Variants in CEP164 observed in about 807,000 individuals in gnomAD.
CEP164 encodes centrosomal protein 164.
In CEP164, 162 loss-of-function variants were observed where a neutral mutation model predicts 182.7. That is an observed-to-expected ratio of 0.89 (90% CI 0.78 to 1.01). The LOEUF is 1.01. Ranked by LOEUF, CEP164 falls within the 50% of genes least tolerant of loss-of-function variation. CEP164 has a pLI of 0.00. For synonymous variants in CEP164, 661 were observed against 690.0 expected, an observed-to-expected ratio of 0.96 and a Z score of 0.66; for missense variants, 1,735 against 1,790.4, an observed-to-expected ratio of 0.97 and a Z score of 0.56.
upstream of CEP164, among the ~76,000 whole-genome samples, chr11:117,325,697 A>G (rs983334290): frequency 6.6e-6 from 1 of 152,034 alleles, no homozygotes; most frequent in Admixed American, 6.6e-5. Context: ...AGACTTTTAA[A>G]GAAGATGGAG....
chr11:117,410,912 C>A lies in CEP164; in HGVS notation c.4163+18C>A, dbSNP rs545277019. 6.2e-7 allele frequency: 1 copy of A among 1,609,678 alleles called. No individual in the cohort carries two copies. Among genetic ancestry groups the A allele is most frequent in the South Asian group, 1.1e-5 (1 of 90,160 alleles). ...TCTGCCAGGTGAGCCTCCCTGGGGG[C>A]TGGTTGGGGTGGAACGTCATAGTCG... On this transcript the variant is annotated intron_variant, in intron 31 of 32. Coordinates refer to ENST00000278935, the MANE Select transcript of CEP164 (RefSeq NM_014956.5).
intron 7 of CEP164, among the ~76,000 whole-genome samples, chr11:117,362,824 C>T (rs1381982040): frequency 1.3e-5 from 2 of 152,082 alleles, no homozygotes; most frequent in Non-Finnish European, 2.9e-5. Context: ...CTTCCTATTC[C>T]CTCTCCCTCC....
At chr11:117,347,997 T>G (rs2039141339) in intron 4 of CEP164, among the ~76,000 whole-genome samples, 1 of 152,014 alleles carries the variant, frequency 6.6e-6, no homozygotes, top group South Asian at 2.1e-4. Context: ...TGAGATAGAG[T>G]CTTGCTCTGT....
At chr11:117,385,054 A>G (rs1200857322) in intron 14 of CEP164, 2 of 152,258 alleles carry the variant, frequency 1.3e-5, no homozygotes, top group Admixed American at 6.5e-5. Context: ...GAGAGGAGAC[A>G]TAACTTTTGT....
At chr11:117,364,863 A>G (rs2041442901) in intron 8 of CEP164, among the ~76,000 whole-genome samples, 1 of 152,210 alleles carries the variant, frequency 6.6e-6, no homozygotes, top group Non-Finnish European at 1.5e-5. Context: ...TTGGCTCTGC[A>G]CAGTCAGATA....
At chr11:117,408,517 C>G (rs2046970444) in intron 28 of CEP164, 1 of 291,046 alleles carries the variant, frequency 3.4e-6, no homozygotes, top group African/African-American at 2.1e-5. Flanking sequence ...ACTGTTGTCT[C>G]TGTCTCAGGC....
chr11:117,409,698 A>C lies in CEP164; in HGVS notation c.3829A>C (p.Ser1277Arg). 1 of 1,614,158 alleles carries C rather than the reference A, an allele frequency of 6.2e-7. No homozygotes were observed. Among genetic ancestry groups the C allele is most frequent in the Non-Finnish European group, 8.5e-7 (1 of 1,180,012 alleles). ...CCGGCAGATCAGCAGCCAGCTGAGC[A>C]GTGTCCTCAGCATCCTGGACAGCCT... is the stretch of plus-strand genomic sequence containing the variant. ...SLRQISSQLS[S>R]VLSILDSLNP... is the part of the protein sequence containing the mutation. Residue 1277 changes from serine to arginine, a missense_variant, in exon 30 of 33, where the codon AGT (serine) becomes CGT (arginine). By Grantham distance (110) the Ser-to-Arg change is moderately radical (BLOSUM62 -1). Transcript: ENST00000278935. The surrounding 1 kb of genome is among the most constrained non-coding windows in gnomAD (Gnocchi z 4.4).
intron 1 of CEP164, among the ~76,000 whole-genome samples, chr11:117,328,992 A>G (rs1168633268): frequency 6.6e-6 from 1 of 152,206 alleles, no homozygotes; most frequent in African/African-American, 2.4e-5. Context: ...GACTTAGTTC[A>G]TAATTTCTTG....
chr11:117,372,800 C>T (rs1340285645), intron 9 of CEP164, among the ~76,000 whole-genome samples: 8 of 152,162 alleles, frequency 5.3e-5, no homozygotes, highest in Non-Finnish European at 8.8e-5. Flanking sequence ...CATTGTGTGT[C>T]GTGACGAGAT....
intron 12 of CEP164, 103 bp downstream of exon 12, chr11:117,380,808 G>A (rs1238655966): frequency 8.1e-6 from 8 of 990,986 alleles, no homozygotes; most frequent in Non-Finnish European, 1.2e-5. Flanking sequence ...GTGTACAGTT[G>A]CTTGGCAGCA....
intron 4 of CEP164, 60 bp downstream of exon 4, chr11:117,344,337 A>G: frequency 8.5e-7 from 1 of 1,172,688 alleles, no homozygotes; most frequent in Non-Finnish European, 1.3e-6. Flanking sequence ...GGAAGCTAAT[A>G]CTGGAGATCG....
rs771250417 is a variant in CEP164 at position 117,361,969 on chromosome 11, A to C, written c.528A>C (p.Gly176=). 6.3e-7 allele frequency: 1 copy of C among 1,585,202 alleles called. No individual in the cohort carries two copies. Among genetic ancestry groups the C allele is most frequent in the South Asian group, 1.2e-5 (1 of 86,134 alleles). ...GCCTGGGGAGCTCAGTGGAGTCTGG[A>C]CGTCAGCTTGGAGAACTCATGCTGG... ...SVSLGSSVES[G]RQLGELMLPS... is the part of the protein sequence containing the mutation. Residue 176 remains glycine (G), a synonymous_variant, in exon 6 of 33, where the codon GGA becomes GGC. Coordinates refer to ENST00000278935, the MANE Select transcript of CEP164 (RefSeq NM_014956.5).
intron 28 of CEP164, chr11:117,408,435 G>A (rs944740637): frequency 2.5e-5 from 6 of 235,992 alleles, no homozygotes; most frequent in Non-Finnish European, 5.0e-5. Flanking sequence ...TAGCGGGGGA[G>A]GCTTAGGTGG....
At position 117,412,990 on chromosome 11, in the gene CEP164, A is replaced by C. The variant is rs1284828770; in HGVS notation, c.*822A>C. The C allele has an allele frequency of 1.3e-5, 2 of 152,218 alleles. No individual in the cohort carries two copies. Among genetic ancestry groups the C allele is most frequent in the Non-Finnish European group, 2.9e-5 (2 of 68,052 alleles). 9.4% of individuals were successfully genotyped at this position (152,218 alleles called of 1,614,324 possible). On this transcript the variant is annotated 3_prime_UTR_variant, in exon 33 of 33. Coordinates refer to ENST00000278935, the MANE Select transcript of CEP164 (RefSeq NM_014956.5). ...TTTATCCTCCTGGGACACTTTGGGT[A>C]TATTCATGGGCATTGTTTCCATCTG...
At chr11:117,333,132 C>T (rs1044769208) in intron 1 of CEP164, among the ~76,000 whole-genome samples, 1 of 151,994 alleles carries the variant, frequency 6.6e-6, no homozygotes, top group Non-Finnish European at 1.5e-5. Flanking sequence ...CCCACCTGAG[C>T]CCCCCAAGTA....
At chr11:117,340,263 C>T (rs910086794) in intron 3 of CEP164, among the ~76,000 whole-genome samples, 1 of 152,344 alleles carries the variant, frequency 6.6e-6, no homozygotes, top group Non-Finnish European at 1.5e-5. Context: ...GACAAGTGAT[C>T]TCCCCGTCTT....
chr11:117,352,104 T>A, intron 5 of CEP164, 116 bp downstream of exon 5: 1 of 839,214 alleles, frequency 1.2e-6, no homozygotes, highest in African/African-American at 1.7e-5. Context: ...ATATGGTAAA[T>A]TCTTGATAGT....
At chr11:117,322,634 A>C (rs4938370) in intron 1 of CEP164, among the ~76,000 whole-genome samples, 38,986 of 151,272 alleles carry the variant, frequency 0.26, 5,126 homozygotes, top group African/African-American at 0.28. Flanking sequence ...TGGCTCACTG[A>C]AACCTCTGCC....
Position 117,362,397 on chromosome 11 carries a change from T to C in CEP164, c.553-7T>C, listed in dbSNP as rs773861529. 8.1e-6 allele frequency: 13 copies of C among 1,610,540 alleles called. No individual in the cohort carries two copies. The East Asian group carries it at 2.0e-4, about 25-fold the overall frequency. The stretch of plus-strand genomic sequence containing the variant: ...GAGTCCTTTGACTGTCCTTCTCTAT[T>C]TTGAAGCCTTCACAGGGTCTCAAGA... On this transcript the variant is annotated splice_region_variant and splice_polypyrimidine_tract_variant and intron_variant, in intron 6 of 32. Transcript: ENST00000278935.
Sources: gnomAD v4.1 joint callset for allele counts (sites outside exome capture counted in the v4.1 genomes callset) on GRCh38, gnomAD v4.1.1 for gene constraint, Gnocchi (gnomAD v3.1) non-coding constraint, MANE v1.5 for transcripts, NCBI Gene and HGNC (gene_info 2026-07-23, HGNC 2026-07-21) for gene names.